Variants in KIAA1217 observed in about 807,000 individuals in gnomAD.
KIAA1217 encodes sickle tail protein homolog.
In KIAA1217, 88 loss-of-function variants were observed where a neutral mutation model predicts 163.9. That is an observed-to-expected ratio of 0.54 (90% confidence interval 0.45 to 0.64). KIAA1217 has a LOEUF of 0.64. Ranked by LOEUF, KIAA1217 falls within the 30% of genes least tolerant of loss-of-function variation. The pLI is 0.00. For synonymous variants in KIAA1217, 903 were observed against 923.1 expected (o/e 0.98, Z 0.39); for missense variants, 2,372 against 2,475.0 (o/e 0.96, Z 0.88).
intron 2 of KIAA1217, among the ~76,000 whole-genome samples, chr10:24,336,640 A>C (rs1306217332): frequency 6.6e-6 from 1 of 152,162 alleles, no homozygotes. Flanking sequence ...ATATTTGCTG[A>C]GCTATCTATA....
chr10:23,899,780 T>C (rs1401278613), intron 1 of KIAA1217, among the ~76,000 whole-genome samples: 2 of 152,144 alleles, frequency 1.3e-5, no homozygotes, highest in Non-Finnish European at 2.9e-5. Context: ...TATGTGTGTG[T>C]TTGTGTGTGT....
In KIAA1217 at chr10:24,538,573, G is replaced by C. The variant is rs542356127; in HGVS notation, c.3534+1680G>C. On this transcript the variant is annotated intron_variant, in intron 17 of 20. Coordinates refer to ENST00000376454, the MANE Select transcript of KIAA1217 (RefSeq NM_019590.5). The stretch of plus-strand genomic sequence containing the variant: ...TGGAGGGAGGGAGGGAGGGAGGAAG[G>C]AAGGAAGGAAGGAAGGAAGGAAGGA... Among the ~76,000 whole-genome samples the C allele has an allele frequency of 7.7e-3, 555 of 72,236 alleles. 2 individuals carry two copies. The highest frequency in any genetic ancestry group is 0.033 in the Middle Eastern group (4 of 120). 47.4% of individuals were successfully genotyped at this position (72,236 alleles called of 152,430 possible).
intron 3 of KIAA1217, among the ~76,000 whole-genome samples, chr10:24,407,846 C>T (rs2057380108): frequency 6.6e-6 from 1 of 152,046 alleles, no homozygotes; most frequent in Non-Finnish European, 1.5e-5. Flanking sequence ...GAAAAGCGTC[C>T]ACTTGTATAT....
intron 1 of KIAA1217, among the ~76,000 whole-genome samples, chr10:23,845,746 T>C (rs539740970): frequency 1.3e-5 from 2 of 152,320 alleles, no homozygotes; most frequent in South Asian, 4.1e-4. Flanking sequence ...TTAGATACCA[T>C]TTGTCAATTT....
intron 2 of KIAA1217, among the ~76,000 whole-genome samples, chr10:24,062,962 C>A (rs769819140): frequency 6.6e-6 from 1 of 151,750 alleles, no homozygotes; most frequent in African/African-American, 2.4e-5. Flanking sequence ...CTGTTCATAT[C>A]CTTCGCCCAC....
chr10:24,221,926 T>C (rs2069710066), intron 2 of KIAA1217, among the ~76,000 whole-genome samples: 1 of 152,032 alleles, frequency 6.6e-6, no homozygotes, highest in Non-Finnish European at 1.5e-5. Context: ...AGTCCCAGCT[T>C]CTCAGGAGAC....
intron 2 of KIAA1217, among the ~76,000 whole-genome samples, chr10:24,249,363 C>T (rs1026204007): frequency 2.6e-5 from 4 of 152,124 alleles, no homozygotes; most frequent in East Asian, 1.9e-4. Context: ...GAATTGAGCC[C>T]GTACTGTGCA....
At chr10:23,986,615 G>T (rs1234054464) in intron 1 of KIAA1217, among the ~76,000 whole-genome samples, 1 of 151,914 alleles carries the variant, frequency 6.6e-6, no homozygotes, top group Non-Finnish European at 1.5e-5. Context: ...TCCACAGTTG[G>T]TTGAGTCCAC....
intron 2 of KIAA1217, among the ~76,000 whole-genome samples, chr10:24,369,857 C>T (rs183545404): frequency 1.2e-4 from 19 of 152,322 alleles, no homozygotes; most frequent in African/African-American, 4.6e-4. Context: ...AGGATTTTGG[C>T]AGCCAAAGCC....
chr10:23,859,368 ACT>A (rs1406112652), intron 1 of KIAA1217, among the ~76,000 whole-genome samples: 1 of 152,102 alleles, frequency 6.6e-6, no homozygotes, highest in Non-Finnish European at 1.5e-5. Context: ...TAGGCACTAA[ACT>A]CTCTATATGT....
At chr10:23,767,256 C>T (rs532004527) in intron 1 of KIAA1217, among the ~76,000 whole-genome samples, 31 of 152,224 alleles carry the variant, frequency 2.0e-4, no homozygotes, top group African/African-American at 7.5e-4. Context: ...GGGCTTTGCT[C>T]TGAAAGCTCT....
intron 1 of KIAA1217, among the ~76,000 whole-genome samples, chr10:23,918,579 C>A (rs573485422): frequency 2.0e-5 from 3 of 152,082 alleles, no homozygotes; most frequent in Non-Finnish European, 4.4e-5. Flanking sequence ...TGAATGCTTG[C>A]GCTGTCATAG....
At chr10:24,148,239 G>T (rs1010386789) in intron 2 of KIAA1217, among the ~76,000 whole-genome samples, 1 of 151,820 alleles carries the variant, frequency 6.6e-6, no homozygotes, top group South Asian at 2.1e-4. Flanking sequence ...TGCACAAATC[G>T]AACCGAGTTT....
chr10:24,317,066 C>T (rs117332721), intron 2 of KIAA1217, among the ~76,000 whole-genome samples: 12 of 152,020 alleles, frequency 7.9e-5, no homozygotes, highest in Non-Finnish European at 1.5e-4. Flanking sequence ...TTATTATAAA[C>T]GTTGGCCATG....
At chr10:24,261,437 A>G (rs531979012) in intron 2 of KIAA1217, among the ~76,000 whole-genome samples, 18 of 150,558 alleles carry the variant, frequency 1.2e-4, no homozygotes, top group African/African-American at 4.4e-4. Context: ...CAGAGGCTAC[A>G]GTGAGCCGAG....
At position 24,246,103 on chromosome 10, in the gene KIAA1217, T is replaced by C. The variant is rs114190460; in HGVS notation, c.354+26194T>C. On this transcript the variant is annotated intron_variant, in intron 2 of 20. Transcript: ENST00000376454. ...CATCTTTAACTTATTATTTGCATCC[T>C]TTTTTATGATAAGTTTTAAGACTAC... is the stretch of plus-strand genomic sequence containing the variant. Among the ~76,000 whole-genome samples the C allele has an allele frequency of 9.7e-3, 1,471 of 152,298 alleles. 22 individuals are homozygous for C. The highest frequency in any genetic ancestry group is 0.034 in the African/African-American group (1,403 of 41,558).
chr10:24,209,908 C>A (rs1466290455), intron 1 of KIAA1217, among the ~76,000 whole-genome samples: 1 of 152,048 alleles, frequency 6.6e-6, no homozygotes. Context: ...ATAGACTTGT[C>A]TTTTCCGTAG....
At chr10:24,155,328 C>A (rs1226572441) in intron 2 of KIAA1217, among the ~76,000 whole-genome samples, 1 of 152,096 alleles carries the variant, frequency 6.6e-6, no homozygotes, top group Admixed American at 6.5e-5. Flanking sequence ...ATCCACAGAA[C>A]CCTAGTTAGT....
At chr10:24,532,109 C>T (rs925119210) in intron 15 of KIAA1217, 116 bp downstream of exon 15, 2 of 916,580 alleles carry the variant, frequency 2.2e-6, no homozygotes, top group Non-Finnish European at 3.0e-6. Flanking sequence ...AACTCGACCA[C>T]ACAAGATCCC....
Sources: gnomAD v4.1 joint callset for allele counts (sites outside exome capture counted in the v4.1 genomes callset) on GRCh38, gnomAD v4.1.1 for gene constraint, MANE v1.5 for transcripts, NCBI Gene and HGNC (gene_info 2026-07-23, HGNC 2026-07-21) for gene names.